DMGDH: variants seen among roughly 807,000 people sequenced by gnomAD.
The protein encoded by DMGDH is dimethylglycine dehydrogenase, also known as dimethylglycine dehydrogenase, mitochondrial.
DMGDH carries 76 observed loss-of-function variants against 95.2 expected under a neutral mutation model. The ratio of observed to expected loss-of-function variants is 0.80; its 90% CI spans 0.66 to 0.97. The LOEUF is 0.97. Ranked by LOEUF, DMGDH falls within the 50% of genes least tolerant of loss-of-function variation. The pLI is 0.00. For synonymous variants in DMGDH, 345 were observed against 377.6 expected (o/e 0.91, Z 1.00); for missense variants, 987 against 1,055.0 (o/e 0.94, Z 0.89).
At chr5:79,026,684 C>T (rs1324939276) in intron 12 of DMGDH, 103 bp from the exon 13 acceptor site, 4 of 1,499,694 alleles carry the variant, frequency 2.7e-6, no homozygotes, top group Non-Finnish European at 3.7e-6. Context: ...TCCACTTATG[C>T]AACACAGACA....
chr5:79,031,045 C>G (rs764586775), intron 9 of DMGDH, 47 bp from the exon 10 acceptor site: 2 of 1,604,306 alleles, frequency 1.2e-6, no homozygotes, highest in Admixed American at 3.3e-5. Context: ...GTTCATTTTT[C>G]AAAAATTACA....
chr5:79,046,563 C>A (rs911686201), intron 5 of DMGDH, among the ~76,000 whole-genome samples: 1 of 151,960 alleles, frequency 6.6e-6, no homozygotes, highest in African/African-American at 2.4e-5. Context: ...AATTTTGTAT[C>A]TTTTATGTAG....
intron 7 of DMGDH, among the ~76,000 whole-genome samples, chr5:79,036,551 A>G (rs370507660): frequency 2.0e-5 from 3 of 152,330 alleles, no homozygotes; most frequent in African/African-American, 7.2e-5. Context: ...AAGCAGAAAA[A>G]CTTGTTGGAA....
chr5:79,067,766 C>A (rs1399157463), intron 1 of DMGDH, among the ~76,000 whole-genome samples: 1 of 152,014 alleles, frequency 6.6e-6, no homozygotes, highest in Non-Finnish European at 1.5e-5. Context: ...AACTTAGGAG[C>A]CATGCAAAAA....
At chr5:79,000,816 T>C (rs1033185217) in intron 15 of DMGDH, 3 of 630,256 alleles carry the variant, frequency 4.8e-6, no homozygotes, top group Non-Finnish European at 8.7e-6. Context: ...GCAGGTACTC[T>C]CACCGAACCA....
At chr5:79,024,202 T>A (rs968759271) in intron 14 of DMGDH, 69 bp downstream of exon 14, 22 of 1,405,340 alleles carry the variant, frequency 1.6e-5, no homozygotes, top group Non-Finnish European at 2.2e-5. Flanking sequence ...TTTTAAAGAA[T>A]GGCTCTGTCA....
chr5:79,025,710 G>C (rs1171071882), intron 13 of DMGDH, among the ~76,000 whole-genome samples: 1 of 152,070 alleles, frequency 6.6e-6, no homozygotes, highest in Non-Finnish European at 1.5e-5. Flanking sequence ...TTACCTTTCA[G>C]GTCTAAAACC....
chr5:79,013,170 C>T (rs1429733380), intron 14 of DMGDH, among the ~76,000 whole-genome samples: 1 of 152,178 alleles, frequency 6.6e-6, no homozygotes, highest in African/African-American at 2.4e-5. Context: ...AGTAGCCAGG[C>T]CACATCTTGA....
chr5:79,009,718 A>G (rs994617873), intron 14 of DMGDH, among the ~76,000 whole-genome samples: 9 of 152,154 alleles, frequency 5.9e-5, no homozygotes, highest in Admixed American at 2.0e-4. Flanking sequence ...GCACCTGCCC[A>G]TTGGCACAAT....
chr5:79,029,967 G>C lies in DMGDH; in HGVS notation c.1751C>G (p.Ser584Cys), dbSNP rs1260630123. The C allele has an allele frequency of 6.2e-7, 1 of 1,614,046 alleles. No individual in the cohort carries two copies. The highest frequency in any genetic ancestry group is 1.7e-5 in the Admixed American group (1 of 60,028). The change falls in exon 11 of 16, where the codon TCT becomes TGT. Residue 584 changes from serine to cysteine, a missense_variant. By Grantham distance (112) the Ser-to-Cys change is moderately radical. Coordinates refer to ENST00000255189, the MANE Select transcript of DMGDH (RefSeq NM_013391.3). ...AAGAAACTCCCCAGGAGATTGGTGA[G>C]AAACAGTCAGCTCAGCATACACTCG... Reference protein sequence around the residue: ...KGRVYAELTVSHQSPGEFLLI... With the variant: ...KGRVYAELTVCHQSPGEFLLI...
intron 14 of DMGDH, among the ~76,000 whole-genome samples, chr5:79,018,820 T>C (rs968671189): frequency 1.3e-5 from 2 of 152,222 alleles, no homozygotes; most frequent in African/African-American, 4.8e-5. Flanking sequence ...AACAAAGTAC[T>C]GTTTCATAAC....
At chr5:79,039,147 T>C (rs1379284328) in intron 7 of DMGDH, among the ~76,000 whole-genome samples, 1 of 150,692 alleles carries the variant, frequency 6.6e-6, no homozygotes, top group Non-Finnish European at 1.5e-5. Flanking sequence ...GAAGTCAGTG[T>C]GGTGATTCCT....
chr5:79,044,676 A>T, intron 5 of DMGDH, 124 bp from the exon 6 acceptor site: 1 of 1,115,420 alleles, frequency 9.0e-7, no homozygotes, highest in Non-Finnish European at 1.3e-6. Context: ...AAGTCTAATA[A>T]ATGTCATAAC....
intron 5 of DMGDH, among the ~76,000 whole-genome samples, chr5:79,048,979 G>C (rs1754758370): frequency 6.6e-6 from 1 of 152,168 alleles, no homozygotes; most frequent in Non-Finnish European, 1.5e-5. Flanking sequence ...CTAGGAAAAG[G>C]GATTGGAAGT....
At chr5:79,063,514 A>G (rs1323425461) in intron 2 of DMGDH, 99 bp downstream of exon 2, 36 of 1,429,748 alleles carry the variant, frequency 2.5e-5, no homozygotes, top group Non-Finnish European at 3.4e-5. Flanking sequence ...AGGGGAACGC[A>G]CTCTAAAGAG....
At chr5:79,000,132 G>A in intron 15 of DMGDH, 1 of 508,784 alleles carries the variant, frequency 2.0e-6, no homozygotes, top group Non-Finnish European at 3.9e-6. Flanking sequence ...TTTTTCCAAA[G>A]CCTTAGATGA....
In DMGDH at chr5:79,025,191, G is replaced by C. The variant is rs150576050; in HGVS notation, c.2191-861C>G. ...TCTGGCACTGCTGGGAAATCGGAGG[G>C]ACGGGAGAAGGAGAAAAGCTCTCCA... is the stretch of plus-strand genomic sequence containing the variant. On this transcript the variant is annotated intron_variant, in intron 13 of 15. Coordinates refer to ENST00000255189, the MANE Select transcript of DMGDH (RefSeq NM_013391.3). 4.7e-4 allele frequency among the ~76,000 whole-genome samples: 72 copies of C among 152,322 alleles called. 1 individual carries two copies. Among genetic ancestry groups the C allele is most frequent in the African/African-American group, 1.7e-3 (72 of 41,568 alleles).
chr5:79,011,442 A>G (rs642013), intron 14 of DMGDH, among the ~76,000 whole-genome samples: 106,162 of 152,136 alleles, frequency 0.7, 37,110 homozygotes, highest in East Asian at 0.73. Context: ...CAATTTCAAC[A>G]TCTCCTTGAT....
intron 1 of DMGDH, among the ~76,000 whole-genome samples, chr5:79,065,156 C>T (rs1391393760): frequency 6.6e-6 from 1 of 152,052 alleles, no homozygotes; most frequent in Admixed American, 6.5e-5. Flanking sequence ...AATCTTGTCC[C>T]ACTGGAAGGT....
Sources: gnomAD v4.1 joint callset for allele counts (sites outside exome capture counted in the v4.1 genomes callset) on GRCh38, gnomAD v4.1.1 for gene constraint, MANE v1.5 for transcripts, NCBI Gene and HGNC (gene_info 2026-07-23, HGNC 2026-07-21) for gene names.